KIF16B: variants seen among roughly 807,000 people sequenced by gnomAD.
KIF16B encodes kinesin-like protein KIF16B.
KIF16B carries 98 observed loss-of-function variants against 156.3 expected under a neutral mutation model. That is an observed-to-expected ratio of 0.63 (90% confidence interval 0.53 to 0.74). The LOEUF (loss-of-function observed/expected upper bound fraction) is 0.74, where lower values mean the gene tolerates loss of function less well. Among genes scored for constraint, KIF16B ranks in the 30% least tolerant of loss-of-function variants. The pLI, the probability that KIF16B is intolerant of heterozygous loss-of-function variation, is 0.00. For missense variants in KIF16B, 1,421 were observed against 1,606.5 expected, an observed-to-expected ratio of 0.88 and a Z score of 1.97; for synonymous variants, 564 against 583.7, an observed-to-expected ratio of 0.97 and a Z score of 0.49.
At chr20:16,516,103 C>A (rs1217723113) in intron 3 of KIF16B, among the ~76,000 whole-genome samples, 1 of 152,132 alleles carries the variant, frequency 6.6e-6, no homozygotes, top group Non-Finnish European at 1.5e-5. Flanking sequence ...CAAATCAATG[C>A]CATCATTTTA....
At chr20:16,413,030 G>C (rs78919782) in intron 15 of KIF16B, among the ~76,000 whole-genome samples, 1,954 of 152,072 alleles carry the variant, frequency 0.013, 37 homozygotes, top group African/African-American at 0.044. Context: ...TCCTCATCTA[G>C]TTATCAAACT....
chr20:16,341,107 G>A (rs928549083), intron 23 of KIF16B, among the ~76,000 whole-genome samples: 1 of 152,150 alleles, frequency 6.6e-6, no homozygotes, highest in South Asian at 2.1e-4. Flanking sequence ...GCCCAATGTG[G>A]AAAGAACTTA....
chr20:16,415,433 C>T (rs2066062362), intron 15 of KIF16B, among the ~76,000 whole-genome samples: 1 of 152,136 alleles, frequency 6.6e-6, no homozygotes, highest in African/African-American at 2.4e-5. Flanking sequence ...CTTTTACCTT[C>T]AACCCCTTTT....
intron 12 of KIF16B, among the ~76,000 whole-genome samples, chr20:16,465,715 T>G (rs1377723569): frequency 6.6e-6 from 1 of 152,152 alleles, no homozygotes; most frequent in Admixed American, 6.5e-5. Flanking sequence ...CATCACATAT[T>G]AAGTTCTAAA....
chr20:16,367,985 A>C, intron 22 of KIF16B: 1 of 1,436,476 alleles, frequency 7.0e-7, no homozygotes, highest in Non-Finnish European at 9.1e-7. Flanking sequence ...AGATTATCTG[A>C]CAGGACCAAA....
chr20:16,317,782 C>T (rs1040732554), intron 24 of KIF16B, among the ~76,000 whole-genome samples: 9 of 152,172 alleles, frequency 5.9e-5, no homozygotes, highest in Non-Finnish European at 1.3e-4. Flanking sequence ...GGTGGCCTGC[C>T]ACCCTCACCC....
intron 11 of KIF16B, among the ~76,000 whole-genome samples, chr20:16,495,237 C>G (rs1030192092): frequency 1.4e-4 from 22 of 152,290 alleles, no homozygotes; most frequent in Admixed American, 5.2e-4. Flanking sequence ...CTCCCAGCAG[C>G]AGACACCCTC....
chr20:16,553,825 CAGG>C (rs2070750049), intron 1 of KIF16B, among the ~76,000 whole-genome samples: 1 of 40,408 alleles, frequency 2.5e-5, no homozygotes, highest in African/African-American at 7.8e-5. Context: ...CAGCAGGAGC[CAGG>C]AGCAGACAGG....
At chr20:16,351,475 G>T (rs1389950863) in intron 23 of KIF16B, among the ~76,000 whole-genome samples, 1 of 152,226 alleles carries the variant, frequency 6.6e-6, no homozygotes, top group East Asian at 1.9e-4. Flanking sequence ...GCGAAGCGGG[G>T]TTGTAAGATG....
At chr20:16,440,678 C>T (rs1375689163) in intron 12 of KIF16B, among the ~76,000 whole-genome samples, 1 of 151,724 alleles carries the variant, frequency 6.6e-6, no homozygotes, top group Non-Finnish European at 1.5e-5. Flanking sequence ...ACCATGGCAC[C>T]AACAAACCTA....
intron 24 of KIF16B, among the ~76,000 whole-genome samples, chr20:16,317,663 AC>A (rs1288658260): frequency 6.6e-6 from 1 of 152,228 alleles, no homozygotes; most frequent in African/African-American, 2.4e-5. Context: ...AAGCACTGCT[AC>A]CACCGCAAAC....
chr20:16,445,967 A>C (rs2066920533), intron 12 of KIF16B, among the ~76,000 whole-genome samples: 2 of 152,152 alleles, frequency 1.3e-5, no homozygotes, highest in African/African-American at 4.8e-5. Flanking sequence ...TAAAATATGA[A>C]AAAATAAAAC....
At chr20:16,301,795 A>G (rs889121977) in intron 25 of KIF16B, among the ~76,000 whole-genome samples, 1 of 152,016 alleles carries the variant, frequency 6.6e-6, no homozygotes, top group Non-Finnish European at 1.5e-5. Context: ...GATTACAGGC[A>G]TGCACCACTA....
intron 23 of KIF16B, among the ~76,000 whole-genome samples, chr20:16,352,791 G>A (rs1414567487): frequency 2.0e-5 from 3 of 152,264 alleles, no homozygotes; most frequent in East Asian, 3.9e-4. Context: ...CTACACCCCT[G>A]GCGTGTTGTC....
In KIF16B at chr20:16,379,004, G is replaced by A. The variant is rs776052248; in HGVS notation, c.2998C>T (p.Gln1000Ter). ...GCCCGCTCCAGCGCCTCTCTCTGCT[G>A]CTTCTCTCTGGACTCCAAAATCTCC... ...EKEILESREK[Q>*]QREALERALA... is the part of the protein sequence containing the mutation. The change falls in exon 19 of 26, where the codon CAG (glutamine) becomes TAG (stop). Residue 1000 changes from glutamine (Q) to a stop codon, truncating the protein, a stop_gained. Coordinates refer to ENST00000354981, the MANE Select transcript of KIF16B (RefSeq NM_024704.5). LOFTEE classifies it high-confidence loss of function. 5.6e-6 allele frequency: 9 copies of A among 1,613,748 alleles called. No individual in the cohort carries two copies. In the South Asian group the frequency reaches 9.9e-5, roughly 18 times the overall value.
At chr20:16,335,384 TG>T (rs913480095) in intron 24 of KIF16B, among the ~76,000 whole-genome samples, 3 of 152,224 alleles carry the variant, frequency 2.0e-5, no homozygotes, top group Non-Finnish European at 4.4e-5. Flanking sequence ...TAATACCCTC[TG>T]GATATTTGAT....
chr20:16,429,213 C>T (rs1318617746), intron 13 of KIF16B, among the ~76,000 whole-genome samples: 1 of 152,128 alleles, frequency 6.6e-6, no homozygotes, highest in Non-Finnish European at 1.5e-5. Flanking sequence ...ATGGTGAGGC[C>T]CTGCTTTGAC....
intron 12 of KIF16B, among the ~76,000 whole-genome samples, chr20:16,462,598 G>A (rs1397732944): frequency 6.6e-6 from 1 of 152,084 alleles, no homozygotes; most frequent in East Asian, 1.9e-4. Flanking sequence ...ATACATCAGA[G>A]TCCTTTGAGA....
chr20:16,573,339 G>A lies in KIF16B; in HGVS notation c.-64C>T, dbSNP rs986746798. On this transcript the variant is annotated 5_prime_UTR_variant, in exon 1 of 26. Transcript: ENST00000354981. ...CCAGAACTCCGCGGTCGCCGGCGAC[G>A]CTGGCTACTCAGATCGCGGCTCCCG... The A allele has an allele frequency of 3.8e-6, 6 of 1,559,124 alleles. No individual in the cohort carries two copies. Among genetic ancestry groups the A allele is most frequent in the African/African-American group, 1.4e-5 (1 of 73,592 alleles).
Sources: gnomAD v4.1 joint callset for allele counts (sites outside exome capture counted in the v4.1 genomes callset) on GRCh38, gnomAD v4.1.1 for gene constraint, MANE v1.5 for transcripts, NCBI Gene and HGNC (gene_info 2026-07-23, HGNC 2026-07-21) for gene names.